FER1L6: variants seen among roughly 807,000 people sequenced by gnomAD.
FER1L6 encodes fer-1-like protein 6.
FER1L6 carries 177 observed loss-of-function variants against 219.2 expected under a neutral mutation model. The observed-to-expected ratio is 0.81, with a 90% CI of 0.71 to 0.91. The LOEUF is 0.91. Ranked by LOEUF, FER1L6 falls within the 40% of genes least tolerant of loss-of-function variation. The pLI, the probability that FER1L6 is intolerant of heterozygous loss-of-function variation, is 0.00. For missense variants in FER1L6, 2,153 were observed against 2,259.9 expected (o/e 0.95, Z 0.96); for synonymous variants, 768 against 824.3 (o/e 0.93, Z 1.17).
intron 1 of FER1L6, among the ~76,000 whole-genome samples, chr8:123,926,492 C>CG (rs1813569462): frequency 6.6e-6 from 1 of 152,046 alleles, no homozygotes; most frequent in Admixed American, 6.5e-5. Context: ...AAGGCTAGAG[C>CG]GGGCAGGATG....
At position 124,013,441 on chromosome 8, in the gene FER1L6, T is replaced by A. The variant is rs1554631489; in HGVS notation, c.1832T>A (p.Ile611Lys). 1 of 1,606,910 alleles carries A rather than the reference T, an allele frequency of 6.2e-7. No homozygotes were observed. Among genetic ancestry groups the A allele is most frequent in the Non-Finnish European group, 8.5e-7 (1 of 1,177,494 alleles). Residue 611 changes from isoleucine to lysine, a missense_variant, in exon 15 of 41, where the codon ATA (isoleucine) becomes AAA (lysine). Coordinates refer to ENST00000522917, the MANE Select transcript of FER1L6 (RefSeq NM_001039112.2). ...EKMADFLEES[I>K]EEVRELIKIS... is the part of the protein sequence containing the mutation. ...GTGGTTTGTTTTCAGGAAGAAAGTATAGAAGAAGTGAGAGAATTGATCAAG... is the reference window on the plus strand; with the variant it reads ...GTGGTTTGTTTTCAGGAAGAAAGTAAAGAAGAAGTGAGAGAATTGATCAAG...
intron 1 of FER1L6, among the ~76,000 whole-genome samples, chr8:123,913,014 C>A (rs1476740994): frequency 6.6e-6 from 1 of 152,162 alleles, no homozygotes; most frequent in Non-Finnish European, 1.5e-5. Context: ...CTGAGGATGA[C>A]ATCTTGGCTC....
chr8:124,094,761 A>T (rs1450769949), intron 34 of FER1L6, 135 bp from the exon 35 acceptor site: 2 of 961,946 alleles, frequency 2.1e-6, no homozygotes, highest in Admixed American at 2.0e-5. Context: ...TGCTGGGATT[A>T]CAGGTGTGAA....
rs61303449 is a variant in FER1L6 at position 123,852,471 on chromosome 8, CGTGTGTGTGTGTGTGTGTGTGT to C, written c.-8+307_-8+328del. Reference sequence around the variant, plus strand: ...GCTTGAACTCCATGTTGTGAGCATGCGTGTGTGTGTGTGTGTGTGTGTGTGTGTGTGTGTGTGTGTGTTTGAC... The same window carrying C: ...GCTTGAACTCCATGTTGTGAGCATGCGTGTGTGTGTGTGTGTGTGTTTGAC... On this transcript the variant is annotated intron_variant, in intron 1 of 40. Transcript: ENST00000522917. The surrounding 1 kb of genome is among the most constrained non-coding windows in gnomAD (Gnocchi z 4.9). Among the ~76,000 whole-genome samples the C allele has an allele frequency of 6.4e-5, 9 of 140,058 alleles. No individual in the cohort carries two copies. The highest frequency in any genetic ancestry group is 4.8e-4 in the South Asian group (2 of 4,196). The allele number at this position is 140,058 out of a possible 152,430, so 91.9% of individuals were successfully genotyped here.
chr8:123,854,523 G>T lies in FER1L6; in HGVS notation c.-8+2338G>T, dbSNP rs16898971. On this transcript the variant is annotated intron_variant, in intron 1 of 40. Transcript: ENST00000522917. ...AGTCCATCACACTGTGTTTCTGAGT[G>T]TGGTGGTCTATGATGGGGATTGGGA... Among the ~76,000 whole-genome samples, 1,235 of 152,320 alleles carry T rather than the reference G, an allele frequency of 8.1e-3. 19 individuals are homozygous for T. The highest frequency in any genetic ancestry group is 0.029 in the African/African-American group (1,198 of 41,560).
At chr8:124,076,419 G>A (rs1014326569) in intron 32 of FER1L6, 94 bp downstream of exon 32, 1 of 1,253,722 alleles carries the variant, frequency 8.0e-7, no homozygotes, top group Non-Finnish European at 1.1e-6. Flanking sequence ...TGTGTTCCTG[G>A]GTGAAATGGT....
At chr8:123,913,151 G>A (rs1411468647) in intron 1 of FER1L6, among the ~76,000 whole-genome samples, 1 of 152,096 alleles carries the variant, frequency 6.6e-6, no homozygotes, top group Non-Finnish European at 1.5e-5. Context: ...AACCCACAGA[G>A]ACTGGGGAAG....
chr8:124,024,794 A>G (rs990702372), intron 18 of FER1L6, among the ~76,000 whole-genome samples: 1 of 152,208 alleles, frequency 6.6e-6, no homozygotes, highest in South Asian at 2.1e-4. Context: ...TGTTTTCCGT[A>G]GAGGTTGTGC....
chr8:124,061,423 G>A (rs1310632482), intron 24 of FER1L6, among the ~76,000 whole-genome samples: 1 of 152,130 alleles, frequency 6.6e-6, no homozygotes, highest in African/African-American at 2.4e-5. Flanking sequence ...GCTGCATTGA[G>A]TCTCGGGGGC....
At chr8:123,918,374 A>G (rs1256132838) in intron 1 of FER1L6, among the ~76,000 whole-genome samples, 1 of 152,130 alleles carries the variant, frequency 6.6e-6, no homozygotes, top group Admixed American at 6.5e-5. Flanking sequence ...GTGTGTACAA[A>G]ATTTATTTAA....
chr8:123,858,346 C>T (rs925441865), intron 1 of FER1L6, among the ~76,000 whole-genome samples: 4 of 152,156 alleles, frequency 2.6e-5, no homozygotes, highest in African/African-American at 9.7e-5. Context: ...TTTTTAGACA[C>T]AGCAGAAGTC....
At chr8:123,910,457 A>G (rs905741950) in intron 1 of FER1L6, among the ~76,000 whole-genome samples, 2 of 152,170 alleles carry the variant, frequency 1.3e-5, no homozygotes, top group Admixed American at 6.5e-5. Context: ...TTGGGTCAAG[A>G]ACCATCTTTC....
At chr8:123,964,278 G>T (rs368518746) in intron 3 of FER1L6, among the ~76,000 whole-genome samples, 1 of 152,186 alleles carries the variant, frequency 6.6e-6, no homozygotes, top group Non-Finnish European at 1.5e-5. Flanking sequence ...TACCATATTT[G>T]TTTATGTCAA....
At chr8:123,861,384 T>A (rs1400289310) in intron 1 of FER1L6, among the ~76,000 whole-genome samples, 6 of 149,328 alleles carry the variant, frequency 4.0e-5, no homozygotes, top group African/African-American at 1.5e-4. Flanking sequence ...GGTTACTGTA[T>A]CCTTGTAGTA....
intron 1 of FER1L6, among the ~76,000 whole-genome samples, chr8:123,921,162 CTCT>C: frequency 6.6e-6 from 1 of 152,268 alleles, no homozygotes; most frequent in Admixed American, 6.5e-5. Flanking sequence ...GTGCAAATAT[CTCT>C]TCAAGATTCT....
chr8:124,034,842 T>C (rs935033144), intron 18 of FER1L6, among the ~76,000 whole-genome samples: 3 of 152,244 alleles, frequency 2.0e-5, no homozygotes, highest in Non-Finnish European at 4.4e-5. Context: ...AGTCAGGCTA[T>C]GGGGTTCAGA....
rs763898409 is a variant in FER1L6 at position 124,039,910 on chromosome 8, C to G, written c.2493C>G (p.His831Gln). The G allele has an allele frequency of 6.2e-7, 1 of 1,614,042 alleles. No individual in the cohort carries two copies. Among genetic ancestry groups the G allele is most frequent in the East Asian group, 2.2e-5 (1 of 44,892 alleles). Residue 831 changes from histidine to glutamine, a missense_variant, in exon 20 of 41, where the codon CAC becomes CAG. Coordinates refer to ENST00000522917, the MANE Select transcript of FER1L6 (RefSeq NM_001039112.2). ...AGCATGTTTTTCAGCTGAGGGCTCA[C>G]ATGTACCAAGCCCGGGGCCTCATCG... ...QEQHVFQLRA[H>Q]MYQARGLIAA...
At chr8:124,089,812 G>A (rs561298613) in intron 33 of FER1L6, among the ~76,000 whole-genome samples, 12 of 152,098 alleles carry the variant, frequency 7.9e-5, no homozygotes, top group African/African-American at 2.2e-4. Flanking sequence ...TACTATCCAC[G>A]CAGTTTTGTA....
chr8:123,885,392 C>A (rs1223691949), intron 1 of FER1L6, among the ~76,000 whole-genome samples: 1 of 152,174 alleles, frequency 6.6e-6, no homozygotes, highest in East Asian at 1.9e-4. Context: ...CTTATTCTCT[C>A]TCAGTGAGCT....
Sources: allele counts gnomAD v4.1 joint callset (sites outside exome capture counted in the v4.1 genomes callset), GRCh38; gene constraint gnomAD v4.1.1; non-coding constraint Gnocchi (gnomAD v3.1); transcripts MANE v1.5; gene names NCBI Gene and HGNC (gene_info 2026-07-23, HGNC 2026-07-21).